ZNF654: variants seen among roughly 807,000 people sequenced by gnomAD.
ZNF654 encodes zinc finger protein 654.
In ZNF654, 19 loss-of-function variants were observed where a neutral mutation model predicts 95.3. The ratio of observed to expected loss-of-function variants is 0.20; its 90% confidence interval spans 0.14 to 0.29. ZNF654 has a LOEUF of 0.29. Ranked by LOEUF, ZNF654 falls within the 10% of genes least tolerant of loss-of-function variation. ZNF654 has a pLI of 1.00. For synonymous variants in ZNF654, 413 were observed against 457.9 expected (o/e 0.90, Z 1.25); for missense variants, 1,046 against 1,341.0 (o/e 0.78, Z 3.44).
chr3:88,107,853 T>G (rs922168671), intron 2 of ZNF654, among the ~76,000 whole-genome samples: 1 of 152,154 alleles, frequency 6.6e-6, no homozygotes, highest in Non-Finnish European at 1.5e-5. Flanking sequence ...TTCAATGTCA[T>G]CATTTCTTAA....
At chr3:88,135,031 T>C in intron 6 of ZNF654, 30 bp from the exon 7 acceptor site, 2 of 1,341,462 alleles carry the variant, frequency 1.5e-6, no homozygotes, top group Non-Finnish European at 1.9e-6. Flanking sequence ...AACTGTATTT[T>C]TGATAATTCT....
rs1466436914 is a variant in ZNF654 at position 88,059,436 on chromosome 3, C to T, written c.117C>T (p.Gly39=). The T allele has an allele frequency of 7.2e-6, 11 of 1,520,004 alleles. No homozygotes were observed. The highest frequency in any genetic ancestry group is 3.6e-5 in the South Asian group (3 of 82,590). The allele number at this position is 1,520,004 out of a possible 1,614,324, so 94.2% of individuals were successfully genotyped here. A position where few individuals can be genotyped will look rare whatever the true frequency, so the allele number is the denominator to read the frequency against. The change falls in exon 1 of 9, where the codon GGC becomes GGT. Residue 39 remains glycine, a synonymous_variant. Coordinates refer to ENST00000636215, the MANE Select transcript of ZNF654 (RefSeq NM_001350134.2). ...GAGCTGCGGGCGACGGCAGAGGCGG[C>T]GCTGGCAGCGGCAACTGCGGCGGCG... ...GLRAAGDGRG[G]AGSGNCGGGV... is the part of the protein sequence containing the mutation.
At chr3:88,102,817 C>CTTTTTTTTTTTT (rs10701359) in intron 2 of ZNF654, among the ~76,000 whole-genome samples, 9 of 106,504 alleles carry the variant, frequency 8.5e-5, no homozygotes, top group Non-Finnish European at 1.1e-4. Context: ...CCTCTACTGT[C>CTTTTTTTTTTTT]TTTTTTTTTT....
intron 3 of ZNF654, among the ~76,000 whole-genome samples, chr3:88,125,514 GC>G (rs1706048011): frequency 6.7e-6 from 1 of 150,326 alleles, no homozygotes; most frequent in Non-Finnish European, 1.5e-5. Flanking sequence ...TAAATCTAAA[GC>G]AAAGTAGAGG....
intron 5 of ZNF654, 115 bp downstream of exon 5, chr3:88,129,126 T>C: frequency 1.4e-6 from 1 of 718,394 alleles, no homozygotes; most frequent in Non-Finnish European, 2.2e-6. Flanking sequence ...TGCCAAAGAT[T>C]TAAGGATTAC....
rs780101740 is a variant in ZNF654, at chr3:88,140,156, G to C, written c.2487G>C (p.Pro829=). 1.2e-6 allele frequency: 2 copies of C among 1,613,166 alleles called. No homozygotes were observed. Among genetic ancestry groups the C allele is most frequent in the African/African-American group, 1.3e-5 (1 of 74,850 alleles). The change falls in exon 8 of 9, where the codon CCG becomes CCC. Residue 829 remains proline (P), a synonymous_variant. Coordinates refer to ENST00000636215, the MANE Select transcript of ZNF654 (RefSeq NM_001350134.2). ...ATTGCAACGAGTCGTTTAAGCTGCCGTTCCAGCTTGCCCAGCACACAAAAA... is the reference window on the plus strand; with the variant it reads ...ATTGCAACGAGTCGTTTAAGCTGCCCTTCCAGCTTGCCCAGCACACAAAAA... ...HFNCNESFKL[P]FQLAQHTKSH...
At position 88,066,393 on chromosome 3, in the gene ZNF654, G is replaced by C. The variant is rs111718520; in HGVS notation, c.186+6888G>C. ...GTTCGATACCAGCCTGGGCAACATG[G>C]TGAAACCCTATCTCTACAAAAAAAC... On this transcript the variant is annotated intron_variant, in intron 1 of 8. Transcript: ENST00000636215. Among the ~76,000 whole-genome samples the C allele has an allele frequency of 2.4e-3, 360 of 152,064 alleles. 2 individuals are homozygous for C. The highest frequency in any genetic ancestry group is 8.3e-3 in the African/African-American group (345 of 41,462).
chr3:88,093,653 G>A (rs1703879888), intron 2 of ZNF654, among the ~76,000 whole-genome samples: 2 of 152,198 alleles, frequency 1.3e-5, no homozygotes, highest in Admixed American at 1.3e-4. Flanking sequence ...CACATGTAAT[G>A]TTAGATCACT....
intron 1 of ZNF654, among the ~76,000 whole-genome samples, chr3:88,061,379 C>T (rs986923733): frequency 2.9e-4 from 44 of 152,234 alleles, no homozygotes; most frequent in African/African-American, 9.1e-4. Context: ...TTCGCTACCT[C>T]CTGTATATCC....
At position 88,140,018 on chromosome 3, in the gene ZNF654, G is replaced by A. The variant is rs1707024011; in HGVS notation, c.2349G>A (p.Lys783=). 6.2e-7 allele frequency: 1 copy of A among 1,613,668 alleles called. No homozygotes were observed. The highest frequency in any genetic ancestry group is 8.5e-7 in the Non-Finnish European group (1 of 1,179,802). ...TAAATGTGCGACAAACAGTAATGAA[G>A]TGGAGCAAAGGAAAATGCAAATTTT... ...TDLNVRQTVM[K]WSKGKCKFCQ... Residue 783 remains lysine (K), a synonymous_variant, in exon 8 of 9, where the codon AAG becomes AAA. Coordinates refer to ENST00000636215, the MANE Select transcript of ZNF654 (RefSeq NM_001350134.2).
chr3:88,112,342 A>T (rs1197592622), intron 2 of ZNF654, among the ~76,000 whole-genome samples: 3 of 152,016 alleles, frequency 2.0e-5, no homozygotes, highest in Admixed American at 1.3e-4. Context: ...ATGAATTAAG[A>T]TCTAAGATTT....
chr3:88,060,115 T>C (rs1409666362), intron 1 of ZNF654, among the ~76,000 whole-genome samples: 1 of 152,082 alleles, frequency 6.6e-6, no homozygotes, highest in Non-Finnish European at 1.5e-5. Flanking sequence ...GCAATGTGAT[T>C]GTCTTTTTTT....
At chr3:88,098,458 GGAATCCTCCCTAACTCTTTTTAT>G (rs1704198022) in intron 2 of ZNF654, among the ~76,000 whole-genome samples, 1 of 152,122 alleles carries the variant, frequency 6.6e-6, no homozygotes, top group Non-Finnish European at 1.5e-5. Context: ...AGAAAAAGAG[GGAATCCTCCCTAACTCTTTTTAT>G]GAGGCCAGCA....
At chr3:88,062,298 C>T (rs1358587099) in intron 1 of ZNF654, among the ~76,000 whole-genome samples, 1 of 152,094 alleles carries the variant, frequency 6.6e-6, no homozygotes. Context: ...TCTTAGTTTC[C>T]ATTATGTAGA....
rs535127422 is a variant in ZNF654 at position 88,111,621 on chromosome 3, T to C, written c.333-1494T>C. The stretch of plus-strand genomic sequence containing the variant: ...TGGTAGACATTCTGAATATTTCCAG[T>C]TTTTTGCTTCTATAAACCATTTGTA... On this transcript the variant is annotated intron_variant, in intron 2 of 8. Transcript: ENST00000636215. Among the ~76,000 whole-genome samples the C allele has an allele frequency of 6.6e-5, 10 of 152,126 alleles. No homozygotes were observed. In the East Asian group the frequency reaches 1.9e-3, roughly 29 times the overall value.
At chr3:88,082,385 A>G (rs1187934609) in intron 1 of ZNF654, among the ~76,000 whole-genome samples, 1 of 152,190 alleles carries the variant, frequency 6.6e-6, no homozygotes, top group Non-Finnish European at 1.5e-5. Flanking sequence ...TTGGCCTCCC[A>G]AAGTGTTGGG....
chr3:88,106,029 G>A lies in ZNF654; in HGVS notation c.333-7086G>A, dbSNP rs146382403. Among the ~76,000 whole-genome samples the A allele has an allele frequency of 3.2e-4, 49 of 152,246 alleles. No individual in the cohort carries two copies. The East Asian group carries it at 8.1e-3, about 25-fold the overall frequency. ...CTCTCCAGAGGATGTGGCATTCACC[G>A]TGCCATCTTCTCAGAAGAGAAGGGC... On this transcript the variant is annotated intron_variant, in intron 2 of 8. Coordinates refer to ENST00000636215, the MANE Select transcript of ZNF654 (RefSeq NM_001350134.2).
intron 1 of ZNF654, among the ~76,000 whole-genome samples, chr3:88,083,529 T>G (rs1277828751): frequency 1.3e-5 from 2 of 152,212 alleles, no homozygotes; most frequent in East Asian, 3.9e-4. Flanking sequence ...CTTCTGGCCT[T>G]GGCTATTGCT....
rs1371839408 is a variant in ZNF654 at position 88,139,259 on chromosome 3, T to TA, written c.1591dup (p.Thr531AsnfsTer21). 1 of 1,533,468 alleles carries TA rather than the reference T, an allele frequency of 6.5e-7. No individual in the cohort carries two copies. Among genetic ancestry groups the TA allele is most frequent in the Non-Finnish European group, 8.7e-7 (1 of 1,146,980 alleles). The allele number at this position is 1,533,468 out of a possible 1,614,324, so 95.0% of individuals were successfully genotyped here. A position where few individuals can be genotyped will look rare whatever the true frequency, so the allele number is the denominator to read the frequency against. On this transcript the variant is annotated frameshift_variant, in exon 8 of 9. Transcript: ENST00000636215. LOFTEE classifies it high-confidence loss of function. ...GTCATATTAATACGAAGAAAAATCTTACAGCTCTCAGTACTTCCAAAGTAG... is the reference window on the plus strand; with the variant it reads ...GTCATATTAATACGAAGAAAAATCTTAACAGCTCTCAGTACTTCCAAAGTAG...
Sources: gnomAD v4.1 joint callset for allele counts (sites outside exome capture counted in the v4.1 genomes callset) on GRCh38, gnomAD v4.1.1 for gene constraint, MANE v1.5 for transcripts, NCBI Gene and HGNC (gene_info 2026-07-23, HGNC 2026-07-21) for gene names.